Variants in GRM5 observed in about 807,000 individuals in gnomAD.
GRM5 encodes glutamate metabotropic receptor 5.
A neutral mutation model predicts 83.1 loss-of-function variants in GRM5; 19 were observed. The ratio of observed to expected loss-of-function variants is 0.23; its 90% CI spans 0.16 to 0.34. The LOEUF (loss-of-function observed/expected upper bound fraction) is 0.34. Ranked by LOEUF, GRM5 falls within the 10% of genes least tolerant of loss-of-function variation. The pLI is 1.00. For synonymous variants in GRM5, 675 were observed against 633.6 expected, an observed-to-expected ratio of 1.07 and a Z score of -0.98; for missense variants, 1,160 against 1,588.3, an observed-to-expected ratio of 0.73 and a Z score of 4.58.
Position 88,505,294 on chromosome 11 carries a change from C to T in GRM5, c.*3298G>A, listed in dbSNP as rs1318380857. 2.6e-5 allele frequency: 4 copies of T among 152,196 alleles called. No homozygotes were observed. Among genetic ancestry groups the T allele is most frequent in the Non-Finnish European group, 4.4e-5 (3 of 68,014 alleles). 9.4% of individuals were successfully genotyped at this position (152,196 alleles called of 1,614,324 possible). A position where few individuals can be genotyped will look rare whatever the true frequency, so the allele number is the denominator to read the frequency against. On this transcript the variant is annotated 3_prime_UTR_variant, in exon 10 of 10. Transcript: ENST00000305447. Reference sequence around the variant, plus strand: ...ACCTTTGAAGTCTCCAAAACATGTACATTTTACTGGGAGACTAGCATAGGA... The same window carrying T: ...ACCTTTGAAGTCTCCAAAACATGTATATTTTACTGGGAGACTAGCATAGGA...
chr11:88,903,168 T>C (rs1156969636), intron 2 of GRM5, among the ~76,000 whole-genome samples: 1 of 152,008 alleles, frequency 6.6e-6, no homozygotes, highest in East Asian at 1.9e-4. Context: ...GCGAAGGCCC[T>C]GAGGCTAGAG....
At chr11:88,685,542 T>C (rs1940598860) in intron 3 of GRM5, among the ~76,000 whole-genome samples, 1 of 152,024 alleles carries the variant, frequency 6.6e-6, no homozygotes, top group African/African-American at 2.4e-5. Flanking sequence ...CCCAAGACAA[T>C]GGGGAAAATG....
intron 3 of GRM5, among the ~76,000 whole-genome samples, chr11:88,749,241 A>G (rs1280939423): frequency 1.3e-5 from 2 of 152,188 alleles, no homozygotes; most frequent in South Asian, 2.1e-4. Flanking sequence ...CAGTTTAGAG[A>G]GAAACATAAC....
intron 2 of GRM5, among the ~76,000 whole-genome samples, chr11:88,892,202 TA>T: frequency 6.6e-6 from 1 of 151,916 alleles, no homozygotes; most frequent in Admixed American, 6.6e-5. Context: ...AAAAACTGGT[TA>T]TTTTATCAAA....
intron 2 of GRM5, among the ~76,000 whole-genome samples, chr11:88,919,177 A>AG (rs1166718584): frequency 1.4e-5 from 2 of 139,732 alleles, no homozygotes; most frequent in African/African-American, 2.5e-5. Flanking sequence ...CATACACTGA[A>AG]AAAAAAAAAG....
At chr11:88,885,453 T>G (rs1341071332) in intron 2 of GRM5, among the ~76,000 whole-genome samples, 56 of 5,100 alleles carry the variant, frequency 0.011, 13 homozygotes, top group African/African-American at 0.013. Context: ...GTACCATGTT[T>G]TTTTTTTTTT....
chr11:88,806,190 A>G (rs963102449), intron 3 of GRM5, among the ~76,000 whole-genome samples: 2 of 152,194 alleles, frequency 1.3e-5, no homozygotes, highest in African/African-American at 4.8e-5. Flanking sequence ...TTAAACATAC[A>G]CAAGCCAAGA....
intron 3 of GRM5, among the ~76,000 whole-genome samples, chr11:88,685,463 C>T (rs1940596398): frequency 6.6e-6 from 1 of 152,186 alleles, no homozygotes; most frequent in South Asian, 2.1e-4. Flanking sequence ...AAGAAAAACC[C>T]ATTTTCTAAA....
intron 2 of GRM5, among the ~76,000 whole-genome samples, chr11:88,944,689 C>G (rs670333): frequency 0.91 from 138,032 of 151,826 alleles, 64,187 homozygotes; most frequent in East Asian, 1. Context: ...TTAAAACAAA[C>G]ACTGAAATTC....
At chr11:88,943,803 C>T (rs1950192315) in intron 2 of GRM5, among the ~76,000 whole-genome samples, 1 of 151,520 alleles carries the variant, frequency 6.6e-6, no homozygotes, top group Admixed American at 6.6e-5. Context: ...TAATAAACTA[C>T]AGTATGCAAT....
intron 3 of GRM5, among the ~76,000 whole-genome samples, chr11:88,771,750 A>G (rs975720583): frequency 6.6e-6 from 1 of 152,126 alleles, no homozygotes; most frequent in African/African-American, 2.4e-5. Context: ...AATAATCACA[A>G]TTATGTGAGT....
At chr11:89,009,449 T>C (rs1219415920) in intron 2 of GRM5, among the ~76,000 whole-genome samples, 1 of 152,172 alleles carries the variant, frequency 6.6e-6, no homozygotes, top group African/African-American at 2.4e-5. Context: ...CAGAGGAATT[T>C]ACCCAAGATT....
At position 88,622,570 on chromosome 11, in the gene GRM5, C is replaced by T. The variant is rs1938668074; in HGVS notation, c.1148-17606G>A. 1.3e-5 allele frequency among the ~76,000 whole-genome samples: 2 copies of T among 152,144 alleles called. 1 individual carries two copies. Among genetic ancestry groups the T allele is most frequent in the Admixed American group, 1.3e-4 (2 of 15,268 alleles). On this transcript the variant is annotated intron_variant, in intron 4 of 9. Transcript: ENST00000305447. Reference sequence around the variant, plus strand: ...GGATCACCCAGCTCAGCACATAGCTCAGGAGCTGCATGCTGGAGGGAGCTA... The same window carrying T: ...GGATCACCCAGCTCAGCACATAGCTTAGGAGCTGCATGCTGGAGGGAGCTA...
At chr11:88,648,511 G>A (rs1474574190) in intron 4 of GRM5, among the ~76,000 whole-genome samples, 1 of 99,868 alleles carries the variant, frequency 1.0e-5, no homozygotes, top group Non-Finnish European at 2.0e-5. Flanking sequence ...GGTGGGGTGG[G>A]GGGAGGGGGG....
chr11:88,880,248 C>G (rs1373055221), intron 2 of GRM5, among the ~76,000 whole-genome samples: 2 of 151,780 alleles, frequency 1.3e-5, no homozygotes, highest in Admixed American at 6.6e-5. Context: ...TTAACAGAAA[C>G]AAAAATGTGA....
rs1352551271 is a variant in GRM5 at position 88,713,297 on chromosome 11, T to TAG, written c.912-59896_912-59895dup. ...GGCTTATTACGGTGCAGTGCAGATA[T>TAG]AGAGTAAGAACTTTGGGTAGATAAC... On this transcript the variant is annotated intron_variant, in intron 3 of 9. Transcript: ENST00000305447. Among the ~76,000 whole-genome samples the TAG allele has an allele frequency of 1.6e-4, 24 of 152,102 alleles. 1 individual carries two copies. The highest frequency in any genetic ancestry group is 1.5e-5 in the Non-Finnish European group (1 of 67,984).
At chr11:88,551,277 C>T (rs1455910370) in intron 8 of GRM5, among the ~76,000 whole-genome samples, 1 of 152,144 alleles carries the variant, frequency 6.6e-6, no homozygotes, top group Admixed American at 6.6e-5. Flanking sequence ...ACTTTCCCTT[C>T]TGTGGGTTCT....
At chr11:88,902,158 T>G (rs1376641086) in intron 2 of GRM5, among the ~76,000 whole-genome samples, 2 of 152,066 alleles carry the variant, frequency 1.3e-5, no homozygotes, top group African/African-American at 4.8e-5. Context: ...TTTTTTTGTT[T>G]TTTTTTTGTT....
chr11:88,643,657 G>C (rs1939358194), intron 4 of GRM5, among the ~76,000 whole-genome samples: 1 of 152,104 alleles, frequency 6.6e-6, no homozygotes. Context: ...TCTCAAATCT[G>C]GGTGTTAGCT....
Sources: gnomAD v4.1 joint callset for allele counts (sites outside exome capture counted in the v4.1 genomes callset) on GRCh38, gnomAD v4.1.1 for gene constraint, MANE v1.5 for transcripts, NCBI Gene and HGNC (gene_info 2026-07-23, HGNC 2026-07-21) for gene names.